The following CUL4B variants were observed in gnomAD, a reference collection of about 807,000 sequenced individuals.
CUL4B encodes cullin-4B.
In CUL4B, 1 loss-of-function variant was observed where a neutral mutation model predicts 69.2. The ratio of observed to expected loss-of-function variants is 0.01; its 90% CI spans 0.01 to 0.07. The LOEUF is 0.07. Ranked by LOEUF, CUL4B falls within the 10% of genes least tolerant of loss-of-function variation. The probability of loss-of-function intolerance (pLI) is 1.00; values close to 1 mark genes in which losing one functional copy is unlikely to be tolerated. For synonymous variants in CUL4B, 237 were observed against 223.2 expected (o/e 1.06, Z -0.55); for missense variants, 328 against 638.8 (o/e 0.51, Z 5.24).
rs1399546914 is a variant in CUL4B, at chrX:120,553,073, C to A, written c.672+4851G>T. On this transcript the variant is annotated intron_variant, in intron 2 of 19. Coordinates refer to ENST00000371322, the MANE Select transcript of CUL4B (RefSeq NM_001079872.2). ...CAAGGACTAAGAATTTGTAAGTGCA[C>A]ATTTTAAAATTTTTTATTATTTAAT... Among the ~76,000 whole-genome samples, 3 of 112,008 alleles carry A rather than the reference C, an allele frequency of 2.7e-5. No individual in the cohort carries two copies. In the Admixed American group the frequency reaches 2.8e-4, roughly 11 times the overall value.
intron 19 of CUL4B, among the ~76,000 whole-genome samples, chrX:120,528,503 A>G (rs763976628): frequency 1.8e-5 from 2 of 110,600 alleles, no homozygotes; most frequent in Non-Finnish European, 3.8e-5. Flanking sequence ...TGGGCAGATC[A>G]TGAGGTCAGG....
intron 2 of CUL4B, among the ~76,000 whole-genome samples, chrX:120,553,008 T>C (rs1924775297): frequency 8.9e-6 from 1 of 112,397 alleles, no homozygotes; most frequent in African/African-American, 3.2e-5. Flanking sequence ...CTTTTCTTTT[T>C]ACTTCCAGTA....
chrX:120,549,864 C>T (rs1300254373), intron 2 of CUL4B, among the ~76,000 whole-genome samples: 2 of 112,048 alleles, frequency 1.8e-5, no homozygotes, highest in Admixed American at 9.5e-5. Context: ...ACTGTTTTCT[C>T]AGCATTTCTT....
intron 3 of CUL4B, among the ~76,000 whole-genome samples, chrX:120,546,875 A>G (rs145841074): frequency 1.7e-3 from 187 of 112,307 alleles, no homozygotes; most frequent in African/African-American, 5.7e-3. Context: ...TTAGGAGATT[A>G]TTTTTCCTCA....
chrX:120,555,618 A>T (rs1924915787), intron 2 of CUL4B, among the ~76,000 whole-genome samples: 2 of 110,379 alleles, frequency 1.8e-5, no homozygotes, highest in African/African-American at 6.6e-5. Context: ...AGGTTATTCA[A>T]CTTCTCTGAG....
Position 120,538,727 on chromosome X carries a change from C to T in CUL4B, c.1785G>A (p.Lys595=). The T allele has an allele frequency of 8.3e-7, 1 of 1,208,652 alleles. No individual in the cohort carries two copies. ...FEAFYKKDLA[K]RLLVGKSASV... ...ATGCACTCTTTCCGACTAACAGGCG[C>T]TTGGCTAAATCTTTCTTATAGAAGG... The change falls in exon 13 of 20, where the codon AAG becomes AAA. Residue 595 remains lysine (K), a synonymous_variant. Transcript: ENST00000371322.
intron 2 of CUL4B, among the ~76,000 whole-genome samples, chrX:120,572,179 C>G (rs1040086899): frequency 9.1e-6 from 1 of 109,711 alleles, no homozygotes; most frequent in African/African-American, 3.3e-5. Context: ...ATGTCCAGGT[C>G]TTGGCTAGGC....
downstream of CUL4B, among the ~76,000 whole-genome samples, chrX:120,570,844 G>A (rs1275692809): frequency 9.0e-6 from 1 of 111,388 alleles, no homozygotes; most frequent in African/African-American, 3.3e-5. Flanking sequence ...TTTAAATAAA[G>A]CTCAAAAATA....
chrX:120,562,923 G>T (rs1925380196), upstream of CUL4B, among the ~76,000 whole-genome samples: 1 of 112,049 alleles, frequency 8.9e-6, no homozygotes, highest in Admixed American at 9.4e-5. Context: ...CAAACCAGGG[G>T]TGACAGGATT....
intron 2 of CUL4B, among the ~76,000 whole-genome samples, chrX:120,549,229 T>C (rs901776820): frequency 5.4e-5 from 6 of 112,077 alleles, no homozygotes; most frequent in Admixed American, 4.7e-4. Flanking sequence ...ACATTCCCAA[T>C]ATGCAGGTCC....
chrX:120,538,187 G>A lies in CUL4B; in HGVS notation c.1875C>T (p.Ser625=). 1 of 1,190,283 alleles carries A rather than the reference G, an allele frequency of 8.4e-7. No homozygotes were observed. The change falls in exon 14 of 20, where the codon AGC becomes AGT. Residue 625 remains serine, a synonymous_variant. Transcript: ENST00000371322. The part of the protein sequence containing the change: ...LKHECGAAFT[S]KLEGMFKDME... ...TGTCTTTAAACATTCCTTCAAGTTT[G>A]CTGGTGAAAGCAGCTCCGCATTCTA... is the stretch of plus-strand genomic sequence containing the variant.
intron 2 of CUL4B, among the ~76,000 whole-genome samples, chrX:120,551,438 T>C (rs1423725416): frequency 9.0e-6 from 1 of 110,931 alleles, no homozygotes; most frequent in African/African-American, 3.3e-5. Flanking sequence ...TGACTTCAAG[T>C]GAACTGTTCA....
At chrX:120,535,775 A>T (rs1713954399) in intron 16 of CUL4B, 55 bp downstream of exon 16, 1 of 704,098 alleles carries the variant, frequency 1.4e-6, no homozygotes, top group African/African-American at 2.1e-5. Flanking sequence ...AAGAAGGATG[A>T]CCTAAACATT....
intron 1 of CUL4B, among the ~76,000 whole-genome samples, chrX:120,574,898 G>C (rs1925825556): frequency 8.9e-6 from 1 of 111,989 alleles, no homozygotes; most frequent in Non-Finnish European, 1.9e-5. Flanking sequence ...TCTTAAATTG[G>C]AAGCCTGACA....
chrX:120,546,684 A>T, intron 3 of CUL4B, 68 bp from the exon 4 acceptor site: 1 of 780,933 alleles, frequency 1.3e-6, no homozygotes, highest in East Asian at 3.3e-5. Flanking sequence ...GACAGAGAGC[A>T]TATTAGTCTT....
rs73219159 is a variant in CUL4B at position 120,546,249 on chromosome X, G to A, written c.846+298C>T. ...TTGGGAGGAAGAGTGGGAGGGGGGC[G>A]AGGGATAAAAGACTACAATGGTGCA... On this transcript the variant is annotated intron_variant, in intron 4 of 19. Coordinates refer to ENST00000371322, the MANE Select transcript of CUL4B (RefSeq NM_001079872.2). Among the ~76,000 whole-genome samples, 7,690 of 110,073 alleles carry A rather than the reference G, an allele frequency of 0.07. 290 individuals carry two copies. Among genetic ancestry groups the A allele is most frequent in the Non-Finnish European group, 0.11 (5,684 of 52,646 alleles).
chrX:120,574,076 C>T lies in CUL4B; in HGVS notation c.67+475G>A, dbSNP rs899561873. Among the ~76,000 whole-genome samples, 21 of 107,222 alleles carry T rather than the reference C, an allele frequency of 2.0e-4. 1 individual carries two copies. The highest frequency in any genetic ancestry group is 6.8e-4 in the African/African-American group (20 of 29,416). 93.1% of individuals were successfully genotyped at this position (107,222 alleles called of 115,157 possible). ...TCCTGACCTCAGGTGATCCTCCCCG[C>T]CAACCCCTCCTCCCCCATCACCTGC... On this transcript the variant is annotated intron_variant, in intron 2 of 2. Transcript: ENST00000486604.
At chrX:120,561,698 G>A (rs1925333316), upstream of CUL4B, among the ~76,000 whole-genome samples, 1 of 109,532 alleles carries the variant, frequency 9.1e-6, no homozygotes, top group Non-Finnish European at 1.9e-5. Flanking sequence ...GTAAGGGTCC[G>A]GGAGAATAGA....
At chrX:120,542,516 T>C (rs1318738443) in intron 9 of CUL4B, among the ~76,000 whole-genome samples, 2 of 112,117 alleles carry the variant, frequency 1.8e-5, no homozygotes, top group African/African-American at 6.5e-5. Context: ...TGACATGCCA[T>C]GAACAACAAA....
Sources: gnomAD v4.1 joint callset for allele counts (sites outside exome capture counted in the v4.1 genomes callset) on GRCh38, gnomAD v4.1.1 for gene constraint, MANE v1.5 for transcripts, NCBI Gene and HGNC (gene_info 2026-07-23, HGNC 2026-07-21) for gene names.